Variants in KLF9 observed in about 807,000 individuals in gnomAD.
KLF9 encodes the protein KLF transcription factor 9.
In KLF9, 2 loss-of-function variants were observed where a neutral mutation model predicts 17.3. The ratio of observed to expected loss-of-function variants is 0.12; its 90% CI spans 0.05 to 0.36. The LOEUF is 0.36. Ranked by LOEUF, KLF9 falls within the 10% of genes least tolerant of loss-of-function variation. The pLI, the probability that KLF9 is intolerant of heterozygous loss-of-function variation, is 1.00. For synonymous variants in KLF9, 138 were observed against 139.2 expected (o/e 0.99, Z 0.06); for missense variants, 226 against 333.2 (o/e 0.68, Z 2.51).
Position 70,385,661 on chromosome 9 carries a change from T to C in KLF9, c.*2115A>G, listed in dbSNP as rs1213324924. On this transcript the variant is annotated 3_prime_UTR_variant, in exon 2 of 2. Transcript: ENST00000377126. Reference sequence around the variant, plus strand: ...CTAAAAGGCAGCGTGCAGAGTATCATAAGCAGAACCATTCCATGAGCTCAG... The same window carrying C: ...CTAAAAGGCAGCGTGCAGAGTATCACAAGCAGAACCATTCCATGAGCTCAG... The C allele has an allele frequency of 6.6e-6, 1 of 152,652 alleles. No homozygotes were observed. The highest frequency in any genetic ancestry group is 2.4e-5 in the African/African-American group (1 of 41,464). 9.5% of individuals were successfully genotyped at this position (152,652 alleles called of 1,614,324 possible).
rs891650184 is a variant in KLF9, at chr9:70,387,783, G to A, written c.728C>T (p.Ala243Val). The change falls in exon 2 of 2, where the codon GCT becomes GTT. Residue 243 changes from alanine to valine, a missense_variant. Ala to Val is a moderately conservative substitution (Grantham distance 64, BLOSUM62 0). Transcript: ENST00000377126. ...GCTTCCACGGGCAGCACCTCACAAA[G>A]CGTTGGCCAGCGCCTTTTTCGATCG... ...IKRSKKALAN[A>V]L 1 of 1,613,780 alleles carries A rather than the reference G, an allele frequency of 6.2e-7. No homozygotes were observed. Among genetic ancestry groups the A allele is most frequent in the Non-Finnish European group, 8.5e-7 (1 of 1,179,940 alleles).
Position 70,413,514 on chromosome 9 carries a change from T to A in KLF9, c.-151A>T. On this transcript the variant is annotated 5_prime_UTR_variant, in exon 1 of 2. Coordinates refer to ENST00000377126, the MANE Select transcript of KLF9 (RefSeq NM_001206.4). This position sits in a 1 kb window ranked among gnomAD's most constrained non-coding sequence, Gnocchi z 5.6. ...GGCGGGGGCGCGGGGCGCTTCCGAC[T>A]CGCAGGAGCGCCGAGGCGACCTCAG... 1.3e-6 allele frequency: 1 copy of A among 773,610 alleles called. No homozygotes were observed. Among genetic ancestry groups the A allele is most frequent in the Non-Finnish European group, 1.7e-6 (1 of 587,648 alleles). The allele number at this position is 773,610 out of a possible 1,614,324, so 47.9% of individuals were successfully genotyped here.
At chr9:70,408,580 C>T (rs1198400910) in intron 1 of KLF9, among the ~76,000 whole-genome samples, 1 of 152,134 alleles carries the variant, frequency 6.6e-6, no homozygotes, top group Non-Finnish European at 1.5e-5. Flanking sequence ...TAGTCTAGGG[C>T]AAGGCCTTGC....
At chr9:70,399,628 G>A (rs1174303919) in intron 1 of KLF9, among the ~76,000 whole-genome samples, 1 of 152,216 alleles carries the variant, frequency 6.6e-6, no homozygotes, top group Non-Finnish European at 1.5e-5. Flanking sequence ...CAGATGACGT[G>A]CCCAAGGACG....
intron 1 of KLF9, among the ~76,000 whole-genome samples, chr9:70,407,538 A>T (rs2037264681): frequency 6.6e-6 from 1 of 152,236 alleles, no homozygotes; most frequent in Admixed American, 6.5e-5. Flanking sequence ...GTGAAACTGT[A>T]ATCTTGCCAG....
chr9:70,408,963 TTA>T (rs1477606307), intron 1 of KLF9, among the ~76,000 whole-genome samples: 60 of 146,188 alleles, frequency 4.1e-4, no homozygotes, highest in Non-Finnish European at 8.2e-4. Flanking sequence ...TCCTGGTTTT[TTA>T]TGTGAGCCTC....
chr9:70,402,125 C>T (rs1426076512), intron 1 of KLF9, among the ~76,000 whole-genome samples: 1 of 152,180 alleles, frequency 6.6e-6, no homozygotes, highest in African/African-American at 2.4e-5. Context: ...TGGGAACCCC[C>T]CGCTTCAGTG....
intron 1 of KLF9, among the ~76,000 whole-genome samples, chr9:70,397,948 C>T (rs2037193701): frequency 6.6e-6 from 1 of 152,152 alleles, no homozygotes; most frequent in South Asian, 2.1e-4. Flanking sequence ...AAGAGGTGTG[C>T]AGGCCATTCC....
intron 1 of KLF9, among the ~76,000 whole-genome samples, chr9:70,407,957 T>C (rs371277046): frequency 2.2e-4 from 33 of 152,238 alleles, no homozygotes; most frequent in African/African-American, 7.9e-4. Flanking sequence ...GGCAGTATCA[T>C]CTCCCAGGGG....
intron 1 of KLF9, among the ~76,000 whole-genome samples, chr9:70,404,912 C>T (rs530184672): frequency 8.5e-5 from 13 of 152,300 alleles, no homozygotes; most frequent in African/African-American, 3.1e-4. Context: ...AAACCCATGT[C>T]AGAAGGACCC....
chr9:70,384,869 T>G lies in KLF9; in HGVS notation c.*2907A>C, dbSNP rs191114255. 7 of 152,750 alleles carry G rather than the reference T, an allele frequency of 4.6e-5. No homozygotes were observed. In the East Asian group the frequency reaches 1.3e-3, roughly 29 times the overall value. 9.5% of individuals were successfully genotyped at this position (152,750 alleles called of 1,614,324 possible). On this transcript the variant is annotated 3_prime_UTR_variant, in exon 2 of 2. Transcript: ENST00000377126. The stretch of plus-strand genomic sequence containing the variant: ...TAAATCTATCTGCAAACTGACAAAC[T>G]AATCAGTTTCTGTAATTGTAACTAC...
intron 1 of KLF9, among the ~76,000 whole-genome samples, chr9:70,389,010 G>A (rs1036267672): frequency 5.9e-5 from 9 of 152,000 alleles, no homozygotes; most frequent in African/African-American, 1.9e-4. Context: ...GTGTGGTGGC[G>A]TGCGCCTGTA....
chr9:70,399,468 T>C (rs2037207832), intron 1 of KLF9, among the ~76,000 whole-genome samples: 1 of 152,178 alleles, frequency 6.6e-6, no homozygotes, highest in African/African-American at 2.4e-5. Context: ...ATAATAAATA[T>C]CTACCTAGGC....
rs1407495601 is a variant in KLF9 at position 70,386,993 on chromosome 9, T to C, written c.*783A>G. 6.6e-6 allele frequency: 1 copy of C among 152,670 alleles called. No homozygotes were observed. The highest frequency in any genetic ancestry group is 1.5e-5 in the Non-Finnish European group (1 of 68,032). The allele number at this position is 152,670 out of a possible 1,614,324, so 9.5% of individuals were successfully genotyped here. A position where few individuals can be genotyped will look rare whatever the true frequency, so the allele number is the denominator to read the frequency against. ...CATTAGAAAATAAAAGTGCAGCTTA[T>C]GTTCAAAAAGTACAACTCATACAAA... On this transcript the variant is annotated 3_prime_UTR_variant, in exon 2 of 2. Transcript: ENST00000377126.
chr9:70,409,000 GTATATATATATACACATATA>G (rs2037276610), intron 1 of KLF9, among the ~76,000 whole-genome samples: 1 of 88,062 alleles, frequency 1.1e-5, no homozygotes. Context: ...ATATATATGT[GTATATATATATACACATATA>G]TGTATATATA....
Position 70,388,146 on chromosome 9 carries a change from T to C in KLF9, c.506-141A>G, listed in dbSNP as rs191232133. On this transcript the variant is annotated intron_variant, in intron 1 of 1. Coordinates refer to ENST00000377126, the MANE Select transcript of KLF9 (RefSeq NM_001206.4). ...TATGTGTCCCCCTCCCCAAAATCCC[T>C]ATGTTGAAGCCTTAACCCCCAGCAC... 3.7e-4 allele frequency: 260 copies of C among 694,626 alleles called. 1 individual carries two copies. The highest frequency in any genetic ancestry group is 5.7e-4 in the Non-Finnish European group (237 of 414,158). The allele number at this position is 694,626 out of a possible 1,614,324, so 43.0% of individuals were successfully genotyped here. A position where few individuals can be genotyped will look rare whatever the true frequency, so the allele number is the denominator to read the frequency against.
intron 1 of KLF9, among the ~76,000 whole-genome samples, chr9:70,409,090 A>G (rs1289488666): frequency 2.6e-4 from 21 of 79,490 alleles, no homozygotes; most frequent in Admixed American, 6.0e-4. Context: ...ATACACATAT[A>G]TGTATATATA....
intron 1 of KLF9, among the ~76,000 whole-genome samples, chr9:70,394,023 T>G (rs1420879583): frequency 8.6e-5 from 2 of 23,260 alleles, no homozygotes; most frequent in Non-Finnish European, 1.8e-4. Flanking sequence ...AGACCCTGTC[T>G]CAAAAAAAAA....
At position 70,413,248 on chromosome 9, in the gene KLF9, G is replaced by A. The variant is rs1312372268; in HGVS notation, c.116C>T (p.Pro39Leu). 1 of 1,613,732 alleles carries A rather than the reference G, an allele frequency of 6.2e-7. No homozygotes were observed. Among genetic ancestry groups the A allele is most frequent in the African/African-American group, 1.3e-5 (1 of 74,948 alleles). The change falls in exon 1 of 2, where the codon CCT (proline) becomes CTT (leucine). Residue 39 changes from proline to leucine, a missense_variant. Coordinates refer to ENST00000377126, the MANE Select transcript of KLF9 (RefSeq NM_001206.4). This position sits in a 1 kb window ranked among gnomAD's most constrained non-coding sequence, Gnocchi z 5.6. ...VAPDAERLRL[P>L]EREVTKEHGD... ...GTGCTCCTTGGTCACCTCGCGCTCA[G>A]GTAGTCGCAGCCGCTCGGCGTCCGG...
Sources: allele counts gnomAD v4.1 joint callset (sites outside exome capture counted in the v4.1 genomes callset), GRCh38; gene constraint gnomAD v4.1.1; non-coding constraint Gnocchi (gnomAD v3.1); transcripts MANE v1.5; gene names NCBI Gene and HGNC (gene_info 2026-07-23, HGNC 2026-07-21).